Variants in APP observed in about 807,000 individuals in gnomAD.
The protein encoded by APP is amyloid-beta precursor protein.
Under a neutral mutation model 101.4 loss-of-function variants are expected in APP, and 31 were observed. The observed-to-expected ratio is 0.31, with a 90% CI of 0.23 to 0.41. APP has a LOEUF of 0.41. Among genes scored for constraint, APP ranks in the 10% least tolerant of loss-of-function variants. The pLI is 1.00. For synonymous variants in APP, 366 were observed against 364.4 expected (o/e 1.00, Z -0.05); for missense variants, 839 against 1,003.7 (o/e 0.84, Z 2.22).
chr21:26,000,476 C>T (rs543099279), intron 6 of APP, among the ~76,000 whole-genome samples: 8 of 152,114 alleles, frequency 5.3e-5, no homozygotes, highest in Admixed American at 2.0e-4. Context: ...TATGAAATGA[C>T]GGAAGGTATC....
intron 16 of APP, among the ~76,000 whole-genome samples, 178 bp from the exon 17 acceptor site, chr21:25,892,046 T>TAAAA (rs10547971): frequency 7.2e-6 from 1 of 138,834 alleles, no homozygotes; most frequent in Non-Finnish European, 1.5e-5. Context: ...ATGCTTACTT[T>TAAAA]AAAAAAAAAA....
At chr21:25,982,623 T>A in intron 8 of APP, 146 bp from the exon 9 acceptor site, 1 of 707,098 alleles carries the variant, frequency 1.4e-6, no homozygotes, top group Non-Finnish European at 2.4e-6. Context: ...TAATGCTGTT[T>A]AAGAGAACAC....
At chr21:25,953,924 G>A (rs1468243122) in intron 13 of APP, among the ~76,000 whole-genome samples, 1 of 152,174 alleles carries the variant, frequency 6.6e-6, no homozygotes, top group Non-Finnish European at 1.5e-5. Flanking sequence ...GGATGCATGA[G>A]ACCTCTCTGT....
intron 1 of APP, among the ~76,000 whole-genome samples, chr21:26,150,994 G>A (rs1044415807): frequency 6.6e-6 from 1 of 152,012 alleles, no homozygotes; most frequent in Non-Finnish European, 1.5e-5. Flanking sequence ...CCACAGAAAC[G>A]GCAGTTAATA....
At chr21:26,046,479 G>A (rs2045615675) in intron 5 of APP, among the ~76,000 whole-genome samples, 1 of 142,944 alleles carries the variant, frequency 7.0e-6, no homozygotes, top group Admixed American at 6.9e-5. Context: ...ATGAAAATAA[G>A]ACACGGTCAA....
intron 1 of APP, among the ~76,000 whole-genome samples, chr21:26,123,061 A>C (rs1414925391): frequency 6.6e-6 from 1 of 152,232 alleles, no homozygotes; most frequent in Non-Finnish European, 1.5e-5. Context: ...TTTTAAGGAA[A>C]GGGCATCAGA....
At chr21:25,911,668 C>G (rs1186026249) in intron 14 of APP, 73 bp downstream of exon 14, 2 of 1,345,782 alleles carry the variant, frequency 1.5e-6, no homozygotes, top group Non-Finnish European at 2.1e-6. Context: ...AGATAACTCT[C>G]TCTCTTGCAC....
At chr21:26,111,851 G>T in intron 2 of APP, 128 bp downstream of exon 2, 1 of 916,978 alleles carries the variant, frequency 1.1e-6, no homozygotes, top group Non-Finnish European at 1.8e-6. Context: ...TAATGGTATG[G>T]TGAATCATTA....
intron 1 of APP, among the ~76,000 whole-genome samples, chr21:26,156,794 ATTTAT>A (rs2063383375): frequency 6.6e-6 from 1 of 152,224 alleles, no homozygotes; most frequent in African/African-American, 2.4e-5. Context: ...ATTAAAGGAG[ATTTAT>A]TTAATTTTCA....
intron 16 of APP, among the ~76,000 whole-genome samples, chr21:25,895,509 A>ATT (rs2037981767): frequency 6.6e-6 from 1 of 152,122 alleles, no homozygotes; most frequent in African/African-American, 2.4e-5. Flanking sequence ...TTTGTGTGAC[A>ATT]TTTTGTTGCA....
chr21:26,127,415 C>T (rs1212109706), intron 1 of APP, among the ~76,000 whole-genome samples: 2 of 152,174 alleles, frequency 1.3e-5, no homozygotes. Flanking sequence ...TGTATTAACT[C>T]TACTGGAATA....
rs6516719 is a variant in APP at position 26,053,007 on chromosome 21, C to T, written c.468+229G>A. On this transcript the variant is annotated intron_variant, in intron 4 of 17. Coordinates refer to ENST00000346798, the MANE Select transcript of APP (RefSeq NM_000484.4). Reference sequence around the variant, plus strand: ...AAAATATTCATGGATGGGGAGGCTGCGCATGTGTGGGGACAGGGGGTACAC... The same window carrying T: ...AAAATATTCATGGATGGGGAGGCTGTGCATGTGTGGGGACAGGGGGTACAC... Among the ~76,000 whole-genome samples the T allele has an allele frequency of 0.7, 105,718 of 152,002 alleles. 37,207 individuals carry two copies. The highest frequency in any genetic ancestry group is 0.85 in the East Asian group (4,403 of 5,176).
intron 1 of APP, among the ~76,000 whole-genome samples, chr21:26,117,725 A>G (rs778847068): frequency 6.6e-6 from 1 of 152,216 alleles, no homozygotes; most frequent in Non-Finnish European, 1.5e-5. Flanking sequence ...GAAGCTATTA[A>G]AAAAGAAAAA....
chr21:26,120,715 T>C (rs974145572), intron 1 of APP, among the ~76,000 whole-genome samples: 1 of 152,086 alleles, frequency 6.6e-6, no homozygotes, highest in Non-Finnish European at 1.5e-5. Context: ...GCATAGTTTT[T>C]AAAAAAAATT....
At chr21:26,008,008 AC>A (rs1359581670) in intron 6 of APP, among the ~76,000 whole-genome samples, 5 of 152,212 alleles carry the variant, frequency 3.3e-5, no homozygotes, top group Admixed American at 6.5e-5. Flanking sequence ...TGAAATACAA[AC>A]AAAGATGATG....
At chr21:25,893,810 G>A (rs1445275757) in intron 16 of APP, among the ~76,000 whole-genome samples, 1 of 152,230 alleles carries the variant, frequency 6.6e-6, no homozygotes, top group Non-Finnish European at 1.5e-5. Flanking sequence ...GACTCCTGAT[G>A]AAGGTGGCTA....
chr21:25,902,523 T>C (rs1043304445), intron 15 of APP, among the ~76,000 whole-genome samples: 1 of 146,538 alleles, frequency 6.8e-6, no homozygotes, highest in Non-Finnish European at 1.5e-5. Flanking sequence ...TTCTCAACTT[T>C]AGCCATCTTA....
At position 25,888,587 on chromosome 21, in the gene APP, A is replaced by G. The variant is rs1356258229; in HGVS notation, c.2211+3135T>C. ...GAATGAGGTGGAGCCCCTCATCTAGAAAGGCTTCCAGTTGCTCTCCAGTAG... is the reference window on the plus strand; with the variant it reads ...GAATGAGGTGGAGCCCCTCATCTAGGAAGGCTTCCAGTTGCTCTCCAGTAG... On this transcript the variant is annotated intron_variant, in intron 17 of 17. Coordinates refer to ENST00000346798, the MANE Select transcript of APP (RefSeq NM_000484.4). Among the ~76,000 whole-genome samples the G allele has an allele frequency of 2.0e-5, 3 of 152,166 alleles. No homozygotes were observed. In the East Asian group the frequency reaches 5.8e-4, roughly 29 times the overall value.
chr21:26,101,379 G>A (rs2062054887), intron 2 of APP, among the ~76,000 whole-genome samples: 1 of 152,148 alleles, frequency 6.6e-6, no homozygotes. Context: ...TTACAGGTGT[G>A]AGCCATGGCA....
Sources: gnomAD v4.1 joint callset for allele counts (sites outside exome capture counted in the v4.1 genomes callset) on GRCh38, gnomAD v4.1.1 for gene constraint, MANE v1.5 for transcripts, NCBI Gene and HGNC (gene_info 2026-07-23, HGNC 2026-07-21) for gene names.